The following RIMBP2 variants were observed in gnomAD, a reference collection of about 807,000 sequenced individuals.
The protein encoded by RIMBP2 is RIMS binding protein 2.
In RIMBP2, 48 loss-of-function variants were observed where a neutral mutation model predicts 118.6. The ratio of observed to expected loss-of-function variants is 0.40; its 90% confidence interval spans 0.32 to 0.51. The LOEUF (loss-of-function observed/expected upper bound fraction) is 0.51, where lower values mean the gene tolerates loss of function less well. Among genes scored for constraint, RIMBP2 ranks in the 20% least tolerant of loss-of-function variants. RIMBP2 has a pLI of 0.41. For synonymous variants in RIMBP2, 762 were observed against 742.9 expected (o/e 1.03, Z -0.42); for missense variants, 1,551 against 1,768.3 (o/e 0.88, Z 2.20).
At chr12:130,428,661 T>C (rs2076950380) in intron 14 of RIMBP2, 2 of 217,088 alleles carry the variant, frequency 9.2e-6, no homozygotes. Flanking sequence ...CTGGGCACCC[T>C]CAGCTTCTCC....
chr12:130,424,451 C>A lies in RIMBP2; in HGVS notation c.2820G>T (p.Ala940=). Residue 940 remains alanine, a synonymous_variant, in exon 16 of 23, where the codon GCG becomes GCT. Transcript: ENST00000690449. This position sits in a 1 kb window ranked among gnomAD's most constrained non-coding sequence, Gnocchi z 9.8. ...GACAGTGACCAGGGCCTGGGCTGCA[C>A]GCGGCCACGGTGTTTCCGAAGCCAA... ...SRFGFGNTVA[A]CSPGPGHCPC... The A allele has an allele frequency of 8.1e-7, 1 of 1,232,244 alleles. No individual in the cohort carries two copies. Among genetic ancestry groups the A allele is most frequent in the Non-Finnish European group, 1.0e-6 (1 of 987,876 alleles). 76.3% of individuals were successfully genotyped at this position (1,232,244 alleles called of 1,614,324 possible). A position where few individuals can be genotyped will look rare whatever the true frequency, so the allele number is the denominator to read the frequency against.
In RIMBP2 at chr12:130,623,881, A is replaced by G. The variant is rs1173452507; in HGVS notation, c.-217+4441T>C. Among the ~76,000 whole-genome samples the G allele has an allele frequency of 6.6e-6, 1 of 152,202 alleles. No homozygotes were observed. The highest frequency in any genetic ancestry group is 1.5e-5 in the Non-Finnish European group (1 of 68,026). On this transcript the variant is annotated intron_variant, in intron 2 of 22. Coordinates refer to ENST00000690449, the MANE Select transcript of RIMBP2 (RefSeq NM_001393629.1). The surrounding 1 kb of genome is among the most constrained non-coding windows in gnomAD (Gnocchi z 4.1). Reference sequence around the variant, plus strand: ...CACCACAGTCTCCCAGAGGTTCCACAGCAGGATTGAGTCCCCATCACCCAC... The same window carrying G: ...CACCACAGTCTCCCAGAGGTTCCACGGCAGGATTGAGTCCCCATCACCCAC...
At chr12:130,496,071 C>T (rs905067447) in intron 4 of RIMBP2, among the ~76,000 whole-genome samples, 13 of 152,166 alleles carry the variant, frequency 8.5e-5, no homozygotes, top group African/African-American at 2.9e-4. Context: ...AGAGTACGTC[C>T]GTGCCTGTAG....
chr12:130,544,725 G>A (rs551965552), intron 2 of RIMBP2, among the ~76,000 whole-genome samples: 4 of 146,826 alleles, frequency 2.7e-5, no homozygotes, highest in South Asian at 2.2e-4. Flanking sequence ...TCAGCCTCCC[G>A]AGTAACTGGG....
At chr12:130,712,437 A>C (rs1181462074) in intron 1 of RIMBP2, among the ~76,000 whole-genome samples, 1 of 152,162 alleles carries the variant, frequency 6.6e-6, no homozygotes, top group Non-Finnish European at 1.5e-5. Context: ...AAGCTAAGAC[A>C]TAAACACACA....
rs60142775 is a variant in RIMBP2 at position 130,695,758 on chromosome 12, C to T, written c.-352+20464G>A. Among the ~76,000 whole-genome samples, 16 of 152,116 alleles carry T rather than the reference C, an allele frequency of 1.1e-4. No individual in the cohort carries two copies. In the East Asian group the frequency reaches 2.7e-3, roughly 26 times the overall value. On this transcript the variant is annotated intron_variant, in intron 1 of 22. Transcript: ENST00000690449. ...ACGAGGCAGAGGCTAGGATGGCTGT[C>T]TAGGTGAAGGGCAGGCTGGTCTGGA...
chr12:130,618,236 C>T (rs780979819), intron 2 of RIMBP2, among the ~76,000 whole-genome samples: 5 of 152,118 alleles, frequency 3.3e-5, no homozygotes, highest in Non-Finnish European at 7.4e-5. Context: ...CAGCACTCAA[C>T]GCCTTCCTCT....
chr12:130,684,018 A>G (rs1248750159), intron 1 of RIMBP2, among the ~76,000 whole-genome samples: 3 of 152,124 alleles, frequency 2.0e-5, no homozygotes, highest in East Asian at 3.9e-4. Context: ...ATCAACTAAG[A>G]GTCTGGCACC....
At chr12:130,556,773 T>C (rs1224228544) in intron 2 of RIMBP2, among the ~76,000 whole-genome samples, 1 of 152,026 alleles carries the variant, frequency 6.6e-6, no homozygotes, top group South Asian at 2.1e-4. Flanking sequence ...AGAGCCCAAG[T>C]ATGCAGTGCA....
In RIMBP2 at chr12:130,446,511, TG is replaced by T. The variant is rs1198189513; in HGVS notation, c.582-1243del. ...CCACACCAGGTCACGTGGCCCCTCA[TG>T]GTCAGGGTGCAGAGGTCCAGGAACC... On this transcript the variant is annotated intron_variant, in intron 9 of 22. Coordinates refer to ENST00000690449, the MANE Select transcript of RIMBP2 (RefSeq NM_001393629.1). This position sits in a 1 kb window ranked among gnomAD's most constrained non-coding sequence, Gnocchi z 4.1. Among the ~76,000 whole-genome samples the T allele has an allele frequency of 1.3e-5, 2 of 152,098 alleles. No individual in the cohort carries two copies. The highest frequency in any genetic ancestry group is 4.8e-5 in the African/African-American group (2 of 41,400).
intron 2 of RIMBP2, among the ~76,000 whole-genome samples, chr12:130,624,758 G>T (rs935387818): frequency 6.6e-6 from 1 of 152,088 alleles, no homozygotes; most frequent in Admixed American, 6.5e-5. Flanking sequence ...GGAGTCTTGC[G>T]CTGTTGCCCA....
At chr12:130,439,378 T>C (rs2077842317) in intron 11 of RIMBP2, among the ~76,000 whole-genome samples, 1 of 151,016 alleles carries the variant, frequency 6.6e-6, no homozygotes, top group Non-Finnish European at 1.5e-5. Flanking sequence ...TGTATGTGGG[T>C]GTGTGTATGT....
At chr12:130,536,314 C>T (rs893164900) in intron 2 of RIMBP2, among the ~76,000 whole-genome samples, 3 of 152,160 alleles carry the variant, frequency 2.0e-5, no homozygotes, top group Non-Finnish European at 2.9e-5. Flanking sequence ...ATGCCCATGA[C>T]CCCCAGAATA....
intron 12 of RIMBP2, 30 bp downstream of exon 12, chr12:130,438,335 A>ACCGGGGGGGGGCC: frequency 1.2e-6 from 1 of 865,014 alleles, no homozygotes; most frequent in Non-Finnish European, 1.9e-6. Flanking sequence ...GGCCTAACAA[A>ACCGGGGGGGGGCC]CCCTCCCCAC....
intron 2 of RIMBP2, among the ~76,000 whole-genome samples, chr12:130,572,723 C>T (rs1028190527): frequency 6.6e-6 from 1 of 151,970 alleles, no homozygotes; most frequent in Non-Finnish European, 1.5e-5. Context: ...TGCAGGGACT[C>T]ACAGGGTTTC....
At chr12:130,441,179 G>A (rs117962582) in intron 11 of RIMBP2, among the ~76,000 whole-genome samples, 2,029 of 152,160 alleles carry the variant, frequency 0.013, 74 homozygotes, top group Admixed American at 0.081. Context: ...GAGGCAGGCA[G>A]ATCACGAGGT....
At chr12:130,438,341 C>CCT in intron 12 of RIMBP2, 24 bp downstream of exon 12, 1 of 1,387,652 alleles carries the variant, frequency 7.2e-7, no homozygotes. Context: ...ACAAACCCTC[C>CCT]CCACCCACCC....
chr12:130,438,293 A>C, intron 12 of RIMBP2, 72 bp downstream of exon 12: 1 of 1,557,992 alleles, frequency 6.4e-7, no homozygotes, highest in Non-Finnish European at 8.8e-7. Context: ...TCCTCCACTG[A>C]GCAAATACCG....
At chr12:130,473,956 A>T (rs1259406862) in intron 5 of RIMBP2, among the ~76,000 whole-genome samples, 1 of 152,218 alleles carries the variant, frequency 6.6e-6, no homozygotes, top group African/African-American at 2.4e-5. Context: ...AGTAAGAGGA[A>T]CTGTAGACCG....
Sources: gnomAD v4.1 joint callset for allele counts (sites outside exome capture counted in the v4.1 genomes callset) on GRCh38, gnomAD v4.1.1 for gene constraint, Gnocchi (gnomAD v3.1) non-coding constraint, MANE v1.5 for transcripts, NCBI Gene and HGNC (gene_info 2026-07-23, HGNC 2026-07-21) for gene names.